Variants in ADGRB3 observed in about 807,000 individuals in gnomAD.
ADGRB3 encodes adhesion G protein-coupled receptor B3.
Under a neutral mutation model 193.4 loss-of-function variants are expected in ADGRB3, and 37 were observed. The ratio of observed to expected loss-of-function variants is 0.19; its 90% CI spans 0.15 to 0.25. The LOEUF (loss-of-function observed/expected upper bound fraction) is 0.25, where lower values mean the gene tolerates loss of function less well. Ranked by LOEUF, ADGRB3 falls within the 10% of genes least tolerant of loss-of-function variation. The probability of loss-of-function intolerance (pLI) is 1.00; values close to 1 mark genes in which losing one functional copy is unlikely to be tolerated. For synonymous variants in ADGRB3, 690 were observed against 644.2 expected, an observed-to-expected ratio of 1.07 and a Z score of -1.08; for missense variants, 1,637 against 1,852.9, an observed-to-expected ratio of 0.88 and a Z score of 2.14.
At chr6:69,181,483 G>A (rs939527816) in intron 17 of ADGRB3, among the ~76,000 whole-genome samples, 2 of 151,832 alleles carry the variant, frequency 1.3e-5, no homozygotes, top group Non-Finnish European at 2.9e-5. Context: ...CATCTGAGAC[G>A]GTAAGACATA....
chr6:68,887,889 C>G (rs1240191919), intron 3 of ADGRB3, among the ~76,000 whole-genome samples: 1 of 152,048 alleles, frequency 6.6e-6, no homozygotes, highest in Non-Finnish European at 1.5e-5. Context: ...TGGAAAATTT[C>G]CAAGTTCGTT....
Position 69,359,974 on chromosome 6 carries a change from A to G in ADGRB3, c.3596-895A>G, listed in dbSNP as rs373610566. 5.9e-5 allele frequency among the ~76,000 whole-genome samples: 9 copies of G among 151,964 alleles called. No homozygotes were observed. In the East Asian group the frequency reaches 1.2e-3, roughly 20 times the overall value. On this transcript the variant is annotated intron_variant, in intron 28 of 31. Transcript: ENST00000370598. ...CCCCAAAACATGGCTTTCTTTTTAT[A>G]CAGAGGCAAAAAGAGAAAAAAAAAC...
At chr6:68,890,650 A>C (rs535123678) in intron 3 of ADGRB3, among the ~76,000 whole-genome samples, 3 of 152,240 alleles carry the variant, frequency 2.0e-5, no homozygotes, top group Non-Finnish European at 4.4e-5. Context: ...CAAGACATTA[A>C]TAAAATCTGT....
At chr6:69,005,122 G>T (rs1025175251) in intron 11 of ADGRB3, among the ~76,000 whole-genome samples, 1 of 152,036 alleles carries the variant, frequency 6.6e-6, no homozygotes, top group Non-Finnish European at 1.5e-5. Context: ...AACATTGGGT[G>T]TTCTCCCAGG....
chr6:68,872,418 GA>G (rs1211454184), intron 3 of ADGRB3, among the ~76,000 whole-genome samples: 8 of 151,988 alleles, frequency 5.3e-5, no homozygotes, highest in Non-Finnish European at 1.2e-4. Context: ...ATTTGATGAG[GA>G]AAAAACAACT....
Position 69,388,714 on chromosome 6 carries a change from A to C in ADGRB3, c.4392A>C (p.Ala1464=), listed in dbSNP as rs748751767. The change falls in exon 32 of 32, where the codon GCA becomes GCC. Residue 1464 remains alanine, a synonymous_variant. Coordinates refer to ENST00000370598, the MANE Select transcript of ADGRB3 (RefSeq NM_001704.3). ...TCTCTTCTCAACAGGAAAACCCCGC[A>C]CCAAACAAGAATCCATGGGACACTT... ...IPNTSSMENP[A]PNKNPWDTFK... 3 of 1,612,874 alleles carry C rather than the reference A, an allele frequency of 1.9e-6. No homozygotes were observed. The highest frequency in any genetic ancestry group is 1.7e-5 in the Admixed American group (1 of 59,856).
rs996648831 is a variant in ADGRB3 at position 68,936,424 on chromosome 6, A to T, written c.869-95A>T. ...TGTATGGTCATATTTTTACATTTAA[A>T]TTATTCTTGCATGTCATAATGTCAG... On this transcript the variant is annotated intron_variant, in intron 4 of 31. Coordinates refer to ENST00000370598, the MANE Select transcript of ADGRB3 (RefSeq NM_001704.3). 6.5e-6 allele frequency: 8 copies of T among 1,233,164 alleles called. No homozygotes were observed. In the Admixed American group the frequency reaches 2.1e-4, roughly 32 times the overall value. 76.4% of individuals were successfully genotyped at this position (1,233,164 alleles called of 1,614,324 possible).
chr6:68,740,632 CA>C (rs1765961704), intron 3 of ADGRB3, among the ~76,000 whole-genome samples: 1 of 152,122 alleles, frequency 6.6e-6, no homozygotes, highest in Non-Finnish European at 1.5e-5. Context: ...GTATGGGCCA[CA>C]ATGTCAGTGT....
chr6:69,025,686 A>C (rs1304281083), intron 13 of ADGRB3, among the ~76,000 whole-genome samples: 4 of 152,192 alleles, frequency 2.6e-5, no homozygotes, highest in Non-Finnish European at 5.9e-5. Context: ...TCAGGAAAAA[A>C]AATACAACAA....
chr6:69,033,707 G>A (rs1174485932), intron 13 of ADGRB3, among the ~76,000 whole-genome samples: 1 of 152,044 alleles, frequency 6.6e-6, no homozygotes, highest in African/African-American at 2.4e-5. Context: ...ATATTTATCA[G>A]TGTTTGAACC....
chr6:69,386,553 A>C (rs1770076193), intron 31 of ADGRB3, among the ~76,000 whole-genome samples: 1 of 152,110 alleles, frequency 6.6e-6, no homozygotes, highest in Admixed American at 6.6e-5. Context: ...CCTACAAAAT[A>C]AATTCCAAAT....
chr6:68,801,064 G>A (rs1767301588), intron 3 of ADGRB3, among the ~76,000 whole-genome samples: 4 of 152,106 alleles, frequency 2.6e-5, no homozygotes, highest in Non-Finnish European at 4.4e-5. Flanking sequence ...CAGCTCCATT[G>A]GCCTATGTTT....
intron 3 of ADGRB3, among the ~76,000 whole-genome samples, chr6:68,774,144 T>C (rs750653970): frequency 6.1e-4 from 55 of 89,896 alleles, no homozygotes; most frequent in Non-Finnish European, 8.8e-4. Flanking sequence ...AACTTAGTAT[T>C]TAAAATGTTA....
chr6:69,341,854 T>C (rs1413388619), intron 26 of ADGRB3, among the ~76,000 whole-genome samples: 1 of 152,152 alleles, frequency 6.6e-6, no homozygotes, highest in Non-Finnish European at 1.5e-5. Context: ...TATACCTACA[T>C]GCAGTTTTTA....
At chr6:68,973,103 ATATT>A (rs1008338767) in intron 8 of ADGRB3, among the ~76,000 whole-genome samples, 1 of 152,228 alleles carries the variant, frequency 6.6e-6, no homozygotes, top group Non-Finnish European at 1.5e-5. Flanking sequence ...AAATGAATAT[ATATT>A]TACATATACT....
At chr6:68,654,331 C>T (rs980309519) in intron 3 of ADGRB3, among the ~76,000 whole-genome samples, 4 of 151,962 alleles carry the variant, frequency 2.6e-5, no homozygotes, top group East Asian at 1.9e-4. Flanking sequence ...CTTTGTTCTA[C>T]GTGGCTGTGC....
chr6:69,120,313 T>A (rs76831909), intron 17 of ADGRB3, among the ~76,000 whole-genome samples: 1,969 of 152,344 alleles, frequency 0.013, 84 homozygotes, highest in East Asian at 0.1. Flanking sequence ...GGTCCCATTC[T>A]AAATCTATTC....
intron 20 of ADGRB3, among the ~76,000 whole-genome samples, chr6:69,257,788 C>G (rs143717714): frequency 6.6e-6 from 1 of 152,274 alleles, no homozygotes; most frequent in South Asian, 2.1e-4. Flanking sequence ...TGCAGATTCT[C>G]CCCTGGATAC....
At chr6:68,777,373 A>G (rs879568009) in intron 3 of ADGRB3, among the ~76,000 whole-genome samples, 1 of 152,260 alleles carries the variant, frequency 6.6e-6, no homozygotes. Flanking sequence ...AAATTCTGCT[A>G]GGAATGTAGA....
Sources: allele counts gnomAD v4.1 joint callset (sites outside exome capture counted in the v4.1 genomes callset), GRCh38; gene constraint gnomAD v4.1.1; transcripts MANE v1.5; gene names NCBI Gene and HGNC (gene_info 2026-07-23, HGNC 2026-07-21).